TBC1D19: variants seen among roughly 807,000 people sequenced by gnomAD.
TBC1D19 encodes TBC1 domain family member 19, also known as TBC1 domain family, member 19.
In TBC1D19, 60 loss-of-function variants were observed where a neutral mutation model predicts 89.0. That is an observed-to-expected ratio of 0.67 (90% confidence interval 0.55 to 0.84). The LOEUF (loss-of-function observed/expected upper bound fraction) is 0.84. TBC1D19 is among the 40% of genes least tolerant of loss of function. The pLI, the probability that TBC1D19 is intolerant of heterozygous loss-of-function variation, is 0.00. For missense variants in TBC1D19, 500 were observed against 610.8 expected (o/e 0.82, Z 1.91); for synonymous variants, 189 against 199.7 (o/e 0.95, Z 0.45).
At chr4:26,724,584 C>T (rs1383393550) in intron 15 of TBC1D19, among the ~76,000 whole-genome samples, 1 of 152,100 alleles carries the variant, frequency 6.6e-6, no homozygotes, top group African/African-American at 2.4e-5. Flanking sequence ...TAACAGTCAG[C>T]TAGTGATTTG....
At chr4:26,753,192 T>G (rs1719070793) in intron 19 of TBC1D19, among the ~76,000 whole-genome samples, 1 of 152,224 alleles carries the variant, frequency 6.6e-6, no homozygotes, top group Admixed American at 6.5e-5. Flanking sequence ...AAGAAAAGGC[T>G]TTAAAGCCAT....
the TBC1D19 span, among the ~76,000 whole-genome samples, chr4:26,797,953 C>T: frequency 6.6e-6 from 1 of 152,098 alleles, no homozygotes; most frequent in Non-Finnish European, 1.5e-5. Flanking sequence ...TAGAAGAAAA[C>T]TTAGGGAAAA....
chr4:26,837,147 G>C, the TBC1D19 span, among the ~76,000 whole-genome samples: 8 of 152,164 alleles, frequency 5.3e-5, no homozygotes, highest in Middle Eastern at 3.2e-3. Context: ...GAATGAATAG[G>C]AGAGTGGCAA....
At chr4:26,577,544 C>T (rs1738999649) in intron 1 of TBC1D19, among the ~76,000 whole-genome samples, 1 of 152,174 alleles carries the variant, frequency 6.6e-6, no homozygotes. Flanking sequence ...ACCTTCCAGG[C>T]AACATATTAG....
the TBC1D19 span, among the ~76,000 whole-genome samples, chr4:26,851,304 C>CCTATCTATCTATCTAT: frequency 3.4e-5 from 5 of 146,974 alleles, no homozygotes; most frequent in Admixed American, 6.8e-5. Context: ...TAATAAATAC[C>CCTATCTATCTATCTAT]CTATCTATCT....
the TBC1D19 span, among the ~76,000 whole-genome samples, chr4:26,769,594 G>A: frequency 1.3e-5 from 2 of 151,768 alleles, no homozygotes; most frequent in African/African-American, 4.8e-5. Context: ...CCAGCCTGGA[G>A]TGTAGTGGTG....
chr4:26,768,007 C>A, the TBC1D19 span, among the ~76,000 whole-genome samples: 1 of 152,086 alleles, frequency 6.6e-6, no homozygotes, highest in Non-Finnish European at 1.5e-5. Context: ...GAGGCCAAGA[C>A]AGGAGTTCAC....
chr4:26,672,096 A>G, intron 9 of TBC1D19, 53 bp from the exon 10 acceptor site: 1 of 834,980 alleles, frequency 1.2e-6, no homozygotes, highest in Non-Finnish European at 1.7e-6. Context: ...GTTGTTCTAA[A>G]TGTGATTGCT....
At chr4:26,745,678 T>C (rs577587187) in intron 18 of TBC1D19, among the ~76,000 whole-genome samples, 2 of 151,498 alleles carry the variant, frequency 1.3e-5, no homozygotes, top group East Asian at 3.9e-4. Context: ...AGCTAATTTT[T>C]TTTTTGTATT....
chr4:26,708,474 TTTA>T (rs1425015771), intron 13 of TBC1D19, among the ~76,000 whole-genome samples: 2 of 152,000 alleles, frequency 1.3e-5, no homozygotes, highest in Non-Finnish European at 2.9e-5. Flanking sequence ...TTACATGGAG[TTTA>T]TTGAGTTTCT....
chr4:26,784,319 A>G, the TBC1D19 span, among the ~76,000 whole-genome samples: 6 of 152,160 alleles, frequency 3.9e-5, no homozygotes, highest in Non-Finnish European at 5.9e-5. Flanking sequence ...CTAGTAAAGA[A>G]TCTTGGAGAC....
chr4:26,629,993 T>G (rs929090592), intron 4 of TBC1D19, among the ~76,000 whole-genome samples: 8 of 151,802 alleles, frequency 5.3e-5, no homozygotes, highest in African/African-American at 1.7e-4. Context: ...AGCTGGGTTA[T>G]AATTAGTTTT....
intron 7 of TBC1D19, among the ~76,000 whole-genome samples, chr4:26,653,830 G>T (rs533403695): frequency 3.9e-5 from 6 of 152,164 alleles, no homozygotes; most frequent in African/African-American, 1.2e-4. Flanking sequence ...TTTCTCCAAT[G>T]TGCCAGTCTG....
intron 13 of TBC1D19, among the ~76,000 whole-genome samples, chr4:26,714,436 A>C (rs1180245777): frequency 6.6e-6 from 1 of 152,034 alleles, no homozygotes; most frequent in Non-Finnish European, 1.5e-5. Context: ...AACTAAACCC[A>C]ATGACCAATT....
At chr4:26,639,351 C>A (rs1438309638) in intron 6 of TBC1D19, among the ~76,000 whole-genome samples, 1 of 152,086 alleles carries the variant, frequency 6.6e-6, no homozygotes, top group African/African-American at 2.4e-5. Context: ...TGAGCCACTG[C>A]GCCTGGCCTT....
chr4:26,689,855 T>G (rs972789536), intron 13 of TBC1D19, among the ~76,000 whole-genome samples: 2 of 152,090 alleles, frequency 1.3e-5, no homozygotes, highest in Non-Finnish European at 2.9e-5. Flanking sequence ...GTGGTGGCCT[T>G]GAAATGTTGA....
chr4:26,581,346 G>A (rs1475824670), upstream of TBC1D19, among the ~76,000 whole-genome samples: 2 of 152,144 alleles, frequency 1.3e-5, no homozygotes, highest in African/African-American at 4.8e-5. Context: ...GCATGCATTA[G>A]GTATTTGTCC....
chr4:26,638,581 A>T (rs902497405), intron 5 of TBC1D19, among the ~76,000 whole-genome samples, 190 bp from the exon 6 acceptor site: 1 of 152,280 alleles, frequency 6.6e-6, no homozygotes, highest in African/African-American at 2.4e-5. Flanking sequence ...TAAGCCATTG[A>T]GACTAGATAT....
At chr4:26,729,669 G>A (rs1717529448) in intron 15 of TBC1D19, among the ~76,000 whole-genome samples, 1 of 152,154 alleles carries the variant, frequency 6.6e-6, no homozygotes, top group African/African-American at 2.4e-5. Context: ...CTATACTACG[G>A]AGAGTATGGA....
Sources: gnomAD v4.1 joint callset for allele counts (sites outside exome capture counted in the v4.1 genomes callset) on GRCh38, gnomAD v4.1.1 for gene constraint, MANE v1.5 for transcripts, NCBI Gene and HGNC (gene_info 2026-07-23, HGNC 2026-07-21) for gene names.